LY96: variants seen among roughly 807,000 people sequenced by gnomAD.
The protein encoded by LY96 is lymphocyte antigen 96, also known as myeloid differentiation protein-2.
Under a neutral mutation model 18.9 loss-of-function variants are expected in LY96, and 18 were observed. That is an observed-to-expected ratio of 0.95 (90% CI 0.66 to 1.41). The LOEUF (loss-of-function observed/expected upper bound fraction) is 1.41, where lower values mean the gene tolerates loss of function less well. LY96 is among the 40% of genes most tolerant of loss of function. The pLI is 0.00. For missense variants in LY96, 175 were observed against 182.4 expected (o/e 0.96, Z 0.23); for synonymous variants, 66 against 62.6 (o/e 1.06, Z -0.26).
chr8:74,026,258 G>A (rs1816869563), intron 3 of LY96, among the ~76,000 whole-genome samples: 1 of 152,186 alleles, frequency 6.6e-6, no homozygotes, highest in South Asian at 2.1e-4. Context: ...AGTAGGATGT[G>A]CATTTTTCTG....
chr8:74,013,735 T>G (rs1180653916), intron 3 of LY96, among the ~76,000 whole-genome samples: 1 of 152,212 alleles, frequency 6.6e-6, no homozygotes, highest in Non-Finnish European at 1.5e-5. Flanking sequence ...AAACAGCATG[T>G]ACAAACACAT....
the LY96 span, among the ~76,000 whole-genome samples, chr8:74,042,504 G>A: frequency 2.0e-5 from 3 of 151,982 alleles, no homozygotes; most frequent in African/African-American, 4.8e-5. Context: ...GGTGACAAAA[G>A]CGAAACTCCA....
the LY96 span, among the ~76,000 whole-genome samples, chr8:74,047,168 G>A: frequency 6.6e-6 from 1 of 152,152 alleles, no homozygotes; most frequent in Non-Finnish European, 1.5e-5. Flanking sequence ...GATTACAGGC[G>A]TGAGCCACAG....
At chr8:74,024,756 T>C (rs1043916080) in intron 3 of LY96, among the ~76,000 whole-genome samples, 29 of 152,196 alleles carry the variant, frequency 1.9e-4, no homozygotes. Flanking sequence ...TCATTGCATA[T>C]TGTATTTGGA....
At chr8:74,048,490 A>C in the LY96 span, among the ~76,000 whole-genome samples, 1 of 152,088 alleles carries the variant, frequency 6.6e-6, no homozygotes, top group Non-Finnish European at 1.5e-5. Flanking sequence ...CGATGTTGGG[A>C]ACCCAGGGCC....
At chr8:74,008,572 G>A (rs16938762) in intron 2 of LY96, among the ~76,000 whole-genome samples, 7,495 of 152,192 alleles carry the variant, frequency 0.049, 620 homozygotes, top group African/African-American at 0.17. Context: ...TGAAGGCAGC[G>A]CGGTAATGGG....
the LY96 span, among the ~76,000 whole-genome samples, chr8:74,049,110 AT>A: frequency 1.3e-5 from 2 of 152,200 alleles, no homozygotes; most frequent in African/African-American, 4.8e-5. Flanking sequence ...ATTAATAGCT[AT>A]CTACCCCACT....
At chr8:74,019,981 A>G (rs1306763332) in intron 3 of LY96, among the ~76,000 whole-genome samples, 4 of 152,152 alleles carry the variant, frequency 2.6e-5, no homozygotes, top group Non-Finnish European at 4.4e-5. Flanking sequence ...ATGGGCAAAA[A>G]CTGAAAGCAT....
intron 2 of LY96, among the ~76,000 whole-genome samples, chr8:74,005,119 G>C (rs1314896376): frequency 6.6e-6 from 1 of 152,160 alleles, no homozygotes; most frequent in Admixed American, 6.5e-5. Flanking sequence ...CTACAATCAA[G>C]GTGTTTGCCA....
At chr8:73,994,230 A>C (rs570950883) in intron 1 of LY96, among the ~76,000 whole-genome samples, 3 of 152,154 alleles carry the variant, frequency 2.0e-5, no homozygotes, top group Admixed American at 2.0e-4. Context: ...TGCCCCACTG[A>C]CAAAGGGACT....
the LY96 span, among the ~76,000 whole-genome samples, chr8:74,043,538 A>C: frequency 6.6e-6 from 1 of 152,094 alleles, no homozygotes; most frequent in South Asian, 2.1e-4. Context: ...GGTTGACTGG[A>C]ATTTGCTCAT....
At chr8:74,022,320 G>T (rs375305662) in intron 3 of LY96, among the ~76,000 whole-genome samples, 66 of 151,964 alleles carry the variant, frequency 4.3e-4, no homozygotes, top group African/African-American at 1.5e-3. Context: ...TGAGGCAGGA[G>T]AATCACTTGA....
At chr8:74,081,093 CTTTCTTTCTT>C in the LY96 span, among the ~76,000 whole-genome samples, 9 of 120,010 alleles carry the variant, frequency 7.5e-5, no homozygotes, top group African/African-American at 2.9e-4. Flanking sequence ...TTCTCTCTTT[CTTTCTTTCTT>C]TCTTTCTTTC....
At chr8:74,026,750 G>A (rs538310907) in intron 3 of LY96, 39 bp from the exon 4 acceptor site, 119 of 1,204,608 alleles carry the variant, frequency 9.9e-5, no homozygotes, top group South Asian at 8.3e-4. Context: ...TCACCTAACC[G>A]TGACCAATAA....
At chr8:74,011,151 A>G (rs1016555595) in intron 3 of LY96, among the ~76,000 whole-genome samples, 1 of 152,166 alleles carries the variant, frequency 6.6e-6, no homozygotes, top group South Asian at 2.1e-4. Context: ...CTTCCTCAGA[A>G]AGTTACTCTG....
chr8:74,028,446 C>A (rs1285731426), intron 4 of LY96, among the ~76,000 whole-genome samples: 3 of 152,236 alleles, frequency 2.0e-5, no homozygotes, highest in Middle Eastern at 3.4e-3. Flanking sequence ...ATCTCTATAA[C>A]TATTCATGTA....
chr8:74,048,041 G>A, the LY96 span, among the ~76,000 whole-genome samples: 1 of 152,098 alleles, frequency 6.6e-6, no homozygotes, highest in South Asian at 2.1e-4. Context: ...TGGGACCACA[G>A]GTACACACCG....
At chr8:74,091,739 C>T in the LY96 span, among the ~76,000 whole-genome samples, 26 of 152,174 alleles carry the variant, frequency 1.7e-4, no homozygotes, top group African/African-American at 5.3e-4. Context: ...GGCTTCCCTC[C>T]TCGCTGTGAT....
the LY96 span, among the ~76,000 whole-genome samples, chr8:74,037,227 T>A: frequency 6.6e-6 from 1 of 152,196 alleles, no homozygotes; most frequent in African/African-American, 2.4e-5. Context: ...TCTCACTAGA[T>A]GTAAACGAGG....
Sources: gnomAD v4.1 joint callset for allele counts (sites outside exome capture counted in the v4.1 genomes callset) on GRCh38, gnomAD v4.1.1 for gene constraint, MANE v1.5 for transcripts, NCBI Gene and HGNC (gene_info 2026-07-23, HGNC 2026-07-21) for gene names.